WDTC1: variants seen among roughly 807,000 people sequenced by gnomAD.
WDTC1 encodes the protein WD and tetratricopeptide repeats protein 1.
Under a neutral mutation model 76.0 loss-of-function variants are expected in WDTC1, and 12 were observed. The ratio of observed to expected loss-of-function variants is 0.16; its 90% CI spans 0.10 to 0.26. The LOEUF is 0.26. Ranked by LOEUF, WDTC1 falls within the 10% of genes least tolerant of loss-of-function variation. The probability of loss-of-function intolerance (pLI) is 1.00; values close to 1 mark genes in which losing one functional copy is unlikely to be tolerated. For synonymous variants in WDTC1, 326 were observed against 350.8 expected, an observed-to-expected ratio of 0.93 and a Z score of 0.79; for missense variants, 511 against 908.8, an observed-to-expected ratio of 0.56 and a Z score of 5.63.
intron 1 of WDTC1, among the ~76,000 whole-genome samples, chr1:27,240,646 A>C (rs991465423): frequency 1.1e-4 from 16 of 152,038 alleles, no homozygotes; most frequent in African/African-American, 3.9e-4. Context: ...TGACTCCTTG[A>C]AGGGCTTTGT....
chr1:27,252,395 G>A (rs755299557), intron 1 of WDTC1, among the ~76,000 whole-genome samples: 1 of 152,030 alleles, frequency 6.6e-6, no homozygotes, highest in Non-Finnish European at 1.5e-5. Flanking sequence ...CCTCTAGCTC[G>A]AGAAATTTTT....
intron 1 of WDTC1, among the ~76,000 whole-genome samples, chr1:27,237,038 A>G (rs889008360): frequency 6.6e-6 from 1 of 152,146 alleles, no homozygotes; most frequent in Non-Finnish European, 1.5e-5. Context: ...GGGTTTCACC[A>G]TCTTGGCCAG....
At position 27,234,944 on chromosome 1, in the gene WDTC1, C is replaced by G. The variant is rs1288399159; in HGVS notation, c.-107C>G. 2 of 392,786 alleles carry G rather than the reference C, an allele frequency of 5.1e-6. No homozygotes were observed. The highest frequency in any genetic ancestry group is 9.0e-6 in the Non-Finnish European group (2 of 222,152). 24.3% of individuals were successfully genotyped at this position (392,786 alleles called of 1,614,324 possible). A position where few individuals can be genotyped will look rare whatever the true frequency, so the allele number is the denominator to read the frequency against. On this transcript the variant is annotated 5_prime_UTR_variant, in exon 1 of 16. Coordinates refer to ENST00000319394, the MANE Select transcript of WDTC1 (RefSeq NM_001276252.2). ...CGCCGCTGCCGGTCGGGGGAAGAGACCTGACAGGTACGGGTCACCGCCGCC... is the reference window on the plus strand; with the variant it reads ...CGCCGCTGCCGGTCGGGGGAAGAGAGCTGACAGGTACGGGTCACCGCCGCC...
chr1:27,261,317 G>T (rs2012469594), intron 2 of WDTC1, among the ~76,000 whole-genome samples: 3 of 152,186 alleles, frequency 2.0e-5, no homozygotes, highest in Admixed American at 2.0e-4. Flanking sequence ...ACATACTTGT[G>T]CCTGGGCTGC....
chr1:27,307,750 G>C lies in WDTC1; in HGVS notation c.*1367G>C, dbSNP rs2013991171. ...ACAAGTGGAGGGTGAGGATAGTGGT[G>C]GGGGGTCTGGCACCATCTCATTGCT... On this transcript the variant is annotated 3_prime_UTR_variant, in exon 16 of 16. Transcript: ENST00000319394. This position sits in a 1 kb window ranked among gnomAD's most constrained non-coding sequence, Gnocchi z 4.1. The C allele has an allele frequency of 6.5e-6, 1 of 152,784 alleles. No homozygotes were observed. The highest frequency in any genetic ancestry group is 1.5e-5 in the Non-Finnish European group (1 of 68,176). 9.5% of individuals were successfully genotyped at this position (152,784 alleles called of 1,614,324 possible).
intron 12 of WDTC1, among the ~76,000 whole-genome samples, chr1:27,300,991 C>G (rs1034931250): frequency 6.6e-6 from 1 of 152,192 alleles, no homozygotes; most frequent in African/African-American, 2.4e-5. Flanking sequence ...CAGCCTGACA[C>G]CAGCTTTTGC....
intron 13 of WDTC1, among the ~76,000 whole-genome samples, chr1:27,302,850 C>A (rs1013801948): frequency 1.3e-5 from 2 of 152,216 alleles, no homozygotes; most frequent in African/African-American, 4.8e-5. Context: ...TTTTAAGGAA[C>A]TGAGAAAACT....
intron 1 of WDTC1, among the ~76,000 whole-genome samples, chr1:27,251,476 T>G (rs1240281800): frequency 1.3e-5 from 2 of 152,152 alleles, no homozygotes; most frequent in Non-Finnish European, 2.9e-5. Flanking sequence ...TTCTTTCTCC[T>G]TAATTCATTG....
intron 3 of WDTC1, among the ~76,000 whole-genome samples, chr1:27,265,700 C>T (rs1168368909): frequency 6.6e-6 from 1 of 151,880 alleles, no homozygotes; most frequent in Non-Finnish European, 1.5e-5. Flanking sequence ...AATCCCAGCA[C>T]TTAGGGAGGC....
intron 6 of WDTC1, among the ~76,000 whole-genome samples, chr1:27,288,228 T>TCA (rs1389464090): frequency 6.6e-6 from 1 of 152,198 alleles, no homozygotes; most frequent in African/African-American, 2.4e-5. Flanking sequence ...AGTTACCTCT[T>TCA]CAGAAGCACC....
intron 1 of WDTC1, among the ~76,000 whole-genome samples, chr1:27,247,595 T>G (rs1413661402): frequency 6.6e-6 from 1 of 152,184 alleles, no homozygotes; most frequent in Non-Finnish European, 1.5e-5. Context: ...TTTCTGTTTC[T>G]GCTTTAGTTT....
rs1570988501 is a variant in WDTC1 at position 27,301,124 on chromosome 1, A to G, written c.1233-102A>G. 15 of 968,284 alleles carry G rather than the reference A, an allele frequency of 1.5e-5. No individual in the cohort carries two copies. The highest frequency in any genetic ancestry group is 2.4e-5 in the Non-Finnish European group (15 of 635,186). The allele number at this position is 968,284 out of a possible 1,614,324, so 60.0% of individuals were successfully genotyped here. ...AAGTCCCCTTGCCATGAGATCTGTC[A>G]GTGGTGGGCTGGGGTGGCCACAGGA... On this transcript the variant is annotated intron_variant, in intron 12 of 15. Coordinates refer to ENST00000319394, the MANE Select transcript of WDTC1 (RefSeq NM_001276252.2). The surrounding 1 kb of genome is among the most constrained non-coding windows in gnomAD (Gnocchi z 5.8).
chr1:27,298,977 C>T (rs1169627698), intron 12 of WDTC1, among the ~76,000 whole-genome samples: 2 of 152,124 alleles, frequency 1.3e-5, no homozygotes, highest in African/African-American at 4.8e-5. Flanking sequence ...ATGCTGTCCC[C>T]CGGCCTTAGC....
intron 3 of WDTC1, among the ~76,000 whole-genome samples, chr1:27,271,884 G>A (rs779760811): frequency 1.2e-4 from 18 of 149,542 alleles, no homozygotes; most frequent in Non-Finnish European, 2.7e-4. Context: ...TGATCCGCCC[G>A]CCTCAGCCTC....
At position 27,260,943 on chromosome 1, in the gene WDTC1, T is replaced by C; in HGVS notation, c.-99-13T>C. ...TATCCATCCTCCAAAGTTTGATGATTTTTTTCCCCCAGGTAATTAAATGTG... is the reference window on the plus strand; with the variant it reads ...TATCCATCCTCCAAAGTTTGATGATCTTTTTCCCCCAGGTAATTAAATGTG... On this transcript the variant is annotated splice_polypyrimidine_tract_variant and intron_variant, in intron 1 of 15. Transcript: ENST00000319394. 8.0e-7 allele frequency: 1 copy of C among 1,251,282 alleles called. No individual in the cohort carries two copies. The highest frequency in any genetic ancestry group is 1.1e-6 in the Non-Finnish European group (1 of 879,578). The allele number at this position is 1,251,282 out of a possible 1,614,324, so 77.5% of individuals were successfully genotyped here.
intron 4 of WDTC1, 138 bp from the exon 5 acceptor site, chr1:27,283,200 A>G: frequency 1.4e-6 from 1 of 690,562 alleles, no homozygotes; most frequent in Non-Finnish European, 2.4e-6. Flanking sequence ...TCAGCTGTTT[A>G]CAAGGCAACC....
At chr1:27,254,878 C>T (rs2012223482) in intron 1 of WDTC1, among the ~76,000 whole-genome samples, 1 of 152,062 alleles carries the variant, frequency 6.6e-6, no homozygotes, top group African/African-American at 2.4e-5. Flanking sequence ...CTGCATACCT[C>T]AGCCTCCCAA....
intron 1 of WDTC1, among the ~76,000 whole-genome samples, chr1:27,256,227 G>A (rs1431911678): frequency 6.6e-6 from 1 of 152,048 alleles, no homozygotes; most frequent in South Asian, 2.1e-4. Flanking sequence ...AACACCACCT[G>A]CTGCACTGGA....
intron 3 of WDTC1, among the ~76,000 whole-genome samples, chr1:27,273,439 A>C (rs2012931712): frequency 6.6e-6 from 1 of 151,686 alleles, no homozygotes; most frequent in Non-Finnish European, 1.5e-5. Flanking sequence ...TGATCTCCTG[A>C]CCTCGTGATC....
Sources: gnomAD v4.1 joint callset for allele counts (sites outside exome capture counted in the v4.1 genomes callset) on GRCh38, gnomAD v4.1.1 for gene constraint, Gnocchi (gnomAD v3.1) non-coding constraint, MANE v1.5 for transcripts, NCBI Gene and HGNC (gene_info 2026-07-23, HGNC 2026-07-21) for gene names.